Variants in SGSM1 observed in about 807,000 individuals in gnomAD.
SGSM1 encodes small G protein signaling modulator 1, also known as RUN and TBC1 domain containing 2.
SGSM1 carries 73 observed loss-of-function variants against 133.8 expected under a neutral mutation model. That is an observed-to-expected ratio of 0.55 (90% CI 0.45 to 0.66). SGSM1 has a LOEUF of 0.66. Ranked by LOEUF, SGSM1 falls within the 30% of genes least tolerant of loss-of-function variation. SGSM1 has a pLI of 0.00. For missense variants in SGSM1, 1,213 were observed against 1,448.1 expected (o/e 0.84, Z 2.64); for synonymous variants, 563 against 573.0 (o/e 0.98, Z 0.25).
chr22:24,872,884 G>A (rs937863469), intron 12 of SGSM1, among the ~76,000 whole-genome samples: 5 of 151,382 alleles, frequency 3.3e-5, no homozygotes, highest in Non-Finnish European at 7.4e-5. Flanking sequence ...GTGCCATTGC[G>A]CTCCAGCCTG....
chr22:24,879,525 A>G lies in SGSM1; in HGVS notation c.1494A>G (p.Gly498=), dbSNP rs1402215930. The G allele has an allele frequency of 1.2e-6, 2 of 1,613,178 alleles. No individual in the cohort carries two copies. The highest frequency in any genetic ancestry group is 2.7e-5 in the African/African-American group (2 of 74,894). The part of the protein sequence containing the change: ...KYQILSRAFY[G]WLAYCRHLST... ...AGATCCTCTCCAGAGCCTTCTATGG[A>G]TGTACGTATAGGGCTCCATTGCCAG... The change falls in exon 14 of 25, where the codon GGA becomes GGG. Residue 498 remains glycine, a splice_region_variant and synonymous_variant. Coordinates refer to ENST00000400358, the MANE Select transcript of SGSM1 (RefSeq NM_001098497.3).
At chr22:24,861,980 G>A (rs1307877756) in intron 9 of SGSM1, among the ~76,000 whole-genome samples, 5 of 143,256 alleles carry the variant, frequency 3.5e-5, no homozygotes, top group South Asian at 2.2e-4. Flanking sequence ...TTGAGACAGA[G>A]TTTTGCTCTT....
chr22:24,846,125 A>G (rs1376544464), intron 3 of SGSM1, among the ~76,000 whole-genome samples: 1 of 147,412 alleles, frequency 6.8e-6, no homozygotes, highest in Non-Finnish European at 1.5e-5. Context: ...TGCAGCCTCA[A>G]CCTCCTGGGC....
chr22:24,816,127 C>T (rs577331307), intron 2 of SGSM1, among the ~76,000 whole-genome samples: 1 of 152,120 alleles, frequency 6.6e-6, no homozygotes, highest in East Asian at 1.9e-4. Context: ...TACCATTTAC[C>T]AAATATTGCT....
rs1408180981 is a variant in SGSM1, at chr22:24,867,098, A to C, written c.932A>C (p.Tyr311Ser). Reference protein sequence around the residue: ...VGDLDYEKSVYWDYAMTIRLE... With the variant: ...VGDLDYEKSVSWDYAMTIRLE... ...GACCCTCCGTCCGCTTCCAGCGTCT[A>C]CTGGGACTATGCCATGACCATCCGC... Residue 311 changes from tyrosine (Y) to serine (S), a missense_variant, in exon 10 of 25, where the codon TAC becomes TCC. Transcript: ENST00000400358. 3 of 1,613,600 alleles carry C rather than the reference A, an allele frequency of 1.9e-6. No individual in the cohort carries two copies. Among genetic ancestry groups the C allele is most frequent in the Non-Finnish European group, 2.5e-6 (3 of 1,179,838 alleles).
chr22:24,905,908 A>G (rs1316515906), intron 21 of SGSM1, among the ~76,000 whole-genome samples: 1 of 152,168 alleles, frequency 6.6e-6, no homozygotes, highest in Admixed American at 6.5e-5. Context: ...CAGACCTCAT[A>G]TGAGGACTGG....
At position 24,868,545 on chromosome 22, in the gene SGSM1, T is replaced by C. The variant is rs372804245; in HGVS notation, c.1158+6T>C. 9.9e-6 allele frequency: 16 copies of C among 1,613,458 alleles called. No individual in the cohort carries two copies. In the Admixed American group the frequency reaches 1.8e-4, roughly 19 times the overall value. ...TGTGGTCCCAGAGGGGTAAGGTGAG[T>C]GATCATCGGGACCCAGGGAGGCTGG... On this transcript the variant is annotated splice_donor_region_variant and intron_variant, in intron 11 of 24. Transcript: ENST00000400358.
In SGSM1 at chr22:24,855,600, G is replaced by C. The variant is rs1416060418; in HGVS notation, c.721G>C (p.Ala241Pro). 6.2e-7 allele frequency: 1 copy of C among 1,613,760 alleles called. No homozygotes were observed. Among genetic ancestry groups the C allele is most frequent in the Non-Finnish European group, 8.5e-7 (1 of 1,179,882 alleles). The stretch of plus-strand genomic sequence containing the variant: ...CATGGATGACCGGCCATCCCTCTCT[G>C]CCCGCGACTACGTGGAGTCCCTGCA... The part of the protein sequence containing the change: ...GSMDDRPSLS[A>P]RDYVESLHQN... Residue 241 changes from alanine to proline, a missense_variant, in exon 8 of 25, where the codon GCC becomes CCC. Coordinates refer to ENST00000400358, the MANE Select transcript of SGSM1 (RefSeq NM_001098497.3).
chr22:24,854,264 C>T (rs559990588), intron 5 of SGSM1, among the ~76,000 whole-genome samples: 1 of 152,262 alleles, frequency 6.6e-6, no homozygotes, highest in South Asian at 2.1e-4. Context: ...TGTTACACAG[C>T]CTTTCAGTAC....
chr22:24,890,755 G>A (rs1457807499), intron 16 of SGSM1, among the ~76,000 whole-genome samples: 1 of 152,050 alleles, frequency 6.6e-6, no homozygotes, highest in Non-Finnish European at 1.5e-5. Context: ...GGTTGGCCAG[G>A]CTGGTCTTGA....
intron 5 of SGSM1, among the ~76,000 whole-genome samples, 168 bp downstream of exon 5, chr22:24,850,600 A>G (rs1930400141): frequency 6.6e-6 from 1 of 152,234 alleles, no homozygotes; most frequent in Non-Finnish European, 1.5e-5. Context: ...GCTTAATGGC[A>G]GTGCAAGGTC....
intron 9 of SGSM1, among the ~76,000 whole-genome samples, chr22:24,861,177 AC>A (rs1176374798): frequency 6.6e-6 from 1 of 150,556 alleles, no homozygotes; most frequent in African/African-American, 2.4e-5. Context: ...ACATGGTGAA[AC>A]CCTGTCTCTA....
chr22:24,851,900 C>G (rs1307759830), intron 5 of SGSM1, among the ~76,000 whole-genome samples: 1 of 152,202 alleles, frequency 6.6e-6, no homozygotes, highest in Admixed American at 6.5e-5. Context: ...CTCTGGATCT[C>G]CAGTTCCCTA....
At chr22:24,897,527 T>C (rs1461689090) in intron 18 of SGSM1, among the ~76,000 whole-genome samples, 1 of 152,204 alleles carries the variant, frequency 6.6e-6, no homozygotes, top group African/African-American at 2.4e-5. Flanking sequence ...TGCAGTGGCA[T>C]GATGGTCACA....
rs138038163 is a variant in SGSM1, at chr22:24,815,249, A to G, written c.63+8765A>G. The stretch of plus-strand genomic sequence containing the variant: ...GTTCAAGAGACTTGGTGATGTTACC[A>G]AAATGCTGGGGTGTTGGTGTGGGTC... On this transcript the variant is annotated intron_variant, in intron 2 of 24. Coordinates refer to ENST00000400358, the MANE Select transcript of SGSM1 (RefSeq NM_001098497.3). Among the ~76,000 whole-genome samples, 845 of 152,312 alleles carry G rather than the reference A, an allele frequency of 5.5e-3. 13 individuals are homozygous for G. Among genetic ancestry groups the G allele is most frequent in the African/African-American group, 0.019 (800 of 41,558 alleles).
chr22:24,856,634 C>T (rs1360885120), intron 8 of SGSM1, among the ~76,000 whole-genome samples: 1 of 152,240 alleles, frequency 6.6e-6, no homozygotes, highest in Admixed American at 6.5e-5. Context: ...TCTCTGCAAT[C>T]ACAGTTTTAA....
At chr22:24,889,978 A>G (rs1441115150) in intron 16 of SGSM1, among the ~76,000 whole-genome samples, 7 of 115,138 alleles carry the variant, frequency 6.1e-5, no homozygotes, top group East Asian at 4.9e-4. Context: ...TTTTTTTGAG[A>G]CGGAGTCTTG....
At chr22:24,923,652 C>T (rs1394159843) in intron 24 of SGSM1, among the ~76,000 whole-genome samples, 2 of 151,874 alleles carry the variant, frequency 1.3e-5, no homozygotes, top group Non-Finnish European at 2.9e-5. Flanking sequence ...GACGGAGTTT[C>T]GCTCTTGTTG....
At chr22:24,808,115 GTTT>G (rs532530317) in intron 2 of SGSM1, among the ~76,000 whole-genome samples, 2 of 130,940 alleles carry the variant, frequency 1.5e-5, no homozygotes. Flanking sequence ...TTTTCTTGGT[GTTT>G]TTTTTTTTTT....
Sources: gnomAD v4.1 joint callset for allele counts (sites outside exome capture counted in the v4.1 genomes callset) on GRCh38, gnomAD v4.1.1 for gene constraint, MANE v1.5 for transcripts, NCBI Gene and HGNC (gene_info 2026-07-23, HGNC 2026-07-21) for gene names.